The following SPIRE1 variants were observed in gnomAD, a reference collection of about 807,000 sequenced individuals.
SPIRE1 encodes the protein spire type actin nucleation factor 1, also known as protein spire homolog 1.
Under a neutral mutation model 94.1 loss-of-function variants are expected in SPIRE1, and 40 were observed. The observed-to-expected ratio is 0.43, with a 90% confidence interval of 0.33 to 0.55. The LOEUF is 0.55. SPIRE1 is among the 20% of genes least tolerant of loss of function. The probability of loss-of-function intolerance (pLI) is 0.06; values close to 1 mark genes in which losing one functional copy is unlikely to be tolerated. For synonymous variants in SPIRE1, 376 were observed against 371.7 expected (o/e 1.01, Z -0.13); for missense variants, 838 against 975.2 (o/e 0.86, Z 1.87).
chr18:12,658,153 C>T (rs2144926274), upstream of SPIRE1: 2 of 951,234 alleles, frequency 2.1e-6, no homozygotes, highest in African/African-American at 1.8e-5. Context: ...CCAGCGCCGC[C>T]CAGCGCCCGC....
chr18:12,609,457 C>A (rs1368852593), intron 2 of SPIRE1, among the ~76,000 whole-genome samples: 1 of 152,084 alleles, frequency 6.6e-6, no homozygotes, highest in Admixed American at 6.6e-5. Context: ...AGCCAGTTTA[C>A]CAGCACACCA....
rs556596259 is a variant in SPIRE1 at position 12,540,060 on chromosome 18, T to C, written c.604-4459A>G. On this transcript the variant is annotated intron_variant, in intron 3 of 16. Transcript: ENST00000409402. Reference sequence around the variant, plus strand: ...GGTGGCACCAGAGCAGAGAGATCAATGAAGATTGGAGTGAGCCATGCACAG... The same window carrying C: ...GGTGGCACCAGAGCAGAGAGATCAACGAAGATTGGAGTGAGCCATGCACAG... Among the ~76,000 whole-genome samples the C allele has an allele frequency of 9.9e-5, 15 of 151,938 alleles. No homozygotes were observed. In the East Asian group the frequency reaches 2.9e-3, roughly 29 times the overall value.
rs758748447 is a variant in SPIRE1 at position 12,657,710 on chromosome 18, T to C, written c.157A>G (p.Ile53Val). The change falls in exon 1 of 17, where the codon ATC becomes GTC. Residue 53 changes from isoleucine to valine, a missense_variant. Physicochemically the swap from Ile to Val is conservative, Grantham distance 29. Around this residue, in one of 2 missense-constraint regions of SPIRE1, gnomAD observed 193 missense variants for 170.5 expected, o/e 1.13. Coordinates refer to ENST00000409402, the MANE Select transcript of SPIRE1 (RefSeq NM_001128626.2). ...ACGGCCCACGCCTGCTCCTCGTTGATGGGCTGGTTGTACAGCCGCAGGATC... is the reference window on the plus strand; with the variant it reads ...ACGGCCCACGCCTGCTCCTCGTTGACGGGCTGGTTGTACAGCCGCAGGATC... ...EEILRLYNQP[I>V]NEEQAWAVCY... 1.1e-5 allele frequency: 16 copies of C among 1,405,206 alleles called. 1 individual carries two copies. In the South Asian group the frequency reaches 2.0e-4, roughly 18 times the overall value. 87.0% of individuals were successfully genotyped at this position (1,405,206 alleles called of 1,614,324 possible). A position where few individuals can be genotyped will look rare whatever the true frequency, so the allele number is the denominator to read the frequency against.
At chr18:12,584,657 T>C (rs1376916695) in intron 2 of SPIRE1, among the ~76,000 whole-genome samples, 1 of 152,108 alleles carries the variant, frequency 6.6e-6, no homozygotes, top group Admixed American at 6.6e-5. Context: ...TAGCCAGGCA[T>C]AGTGGCATGC....
chr18:12,652,138 C>T (rs1231250193), intron 1 of SPIRE1, among the ~76,000 whole-genome samples: 4 of 152,136 alleles, frequency 2.6e-5, no homozygotes, highest in Non-Finnish European at 5.9e-5. Context: ...ATTAATAATT[C>T]TTTGTGGCAT....
chr18:12,615,405 C>T (rs1299932512), intron 2 of SPIRE1, among the ~76,000 whole-genome samples: 12 of 108,350 alleles, frequency 1.1e-4, no homozygotes, highest in South Asian at 3.2e-4. Flanking sequence ...CTAGGCAAGG[C>T]GGCGTGCGCC....
intron 2 of SPIRE1, among the ~76,000 whole-genome samples, chr18:12,585,057 G>C (rs2036357902): frequency 1.3e-5 from 2 of 152,104 alleles, no homozygotes; most frequent in South Asian, 2.1e-4. Flanking sequence ...GCCCACCTCG[G>C]CTTCCCAAAG....
Position 12,447,582 on chromosome 18 carries a change from A to G in SPIRE1, c.*2056T>C, listed in dbSNP as rs1364049414. 6.6e-6 allele frequency: 1 copy of G among 152,138 alleles called. No individual in the cohort carries two copies. Among genetic ancestry groups the G allele is most frequent in the Non-Finnish European group, 1.5e-5 (1 of 68,018 alleles). 9.4% of individuals were successfully genotyped at this position (152,138 alleles called of 1,614,324 possible). A position where few individuals can be genotyped will look rare whatever the true frequency, so the allele number is the denominator to read the frequency against. On this transcript the variant is annotated 3_prime_UTR_variant, in exon 17 of 17. Coordinates refer to ENST00000409402, the MANE Select transcript of SPIRE1 (RefSeq NM_001128626.2). ...AACGTACCCTCCACGTGACCTCTTT[A>G]ATGCACTTGGCAAACTCCGTTAATG...
At chr18:12,459,272 G>C (rs546270777) in intron 12 of SPIRE1, among the ~76,000 whole-genome samples, 219 of 152,352 alleles carry the variant, frequency 1.4e-3, no homozygotes, top group African/African-American at 4.9e-3. Context: ...CATGACAGGT[G>C]ATGGGAGCAC....
In SPIRE1 at chr18:12,559,122, T is replaced by C. The variant is rs1162754888; in HGVS notation, c.373-12218A>G. On this transcript the variant is annotated intron_variant, in intron 2 of 16. Transcript: ENST00000409402. This position sits in a 1 kb window ranked among gnomAD's most constrained non-coding sequence, Gnocchi z 4.7. ...GGGCGGTAGATGGGACCAGGCACCT[T>C]GGAGCAGGGGGAGGCGCCCCCTGGG... Among the ~76,000 whole-genome samples, 2 of 106,924 alleles carry C rather than the reference T, an allele frequency of 1.9e-5. No homozygotes were observed. The highest frequency in any genetic ancestry group is 3.5e-5 in the African/African-American group (1 of 28,924). The allele number at this position is 106,924 out of a possible 152,430, so 70.1% of individuals were successfully genotyped here. A position where few individuals can be genotyped will look rare whatever the true frequency, so the allele number is the denominator to read the frequency against.
intron 2 of SPIRE1, among the ~76,000 whole-genome samples, chr18:12,553,493 G>A (rs2035416669): frequency 6.6e-6 from 1 of 152,202 alleles, no homozygotes; most frequent in Non-Finnish European, 1.5e-5. Flanking sequence ...TCCTCTGCCT[G>A]TGGAAGAGGC....
At chr18:12,574,225 TA>T (rs558092883) in intron 2 of SPIRE1, among the ~76,000 whole-genome samples, 42 of 152,240 alleles carry the variant, frequency 2.8e-4, no homozygotes, top group Admixed American at 2.6e-4. Flanking sequence ...AAAACTGCTC[TA>T]AAAAAAGTAT....
At chr18:12,623,096 G>A (rs1254301044) in intron 2 of SPIRE1, among the ~76,000 whole-genome samples, 2 of 135,690 alleles carry the variant, frequency 1.5e-5, no homozygotes, top group African/African-American at 2.6e-5. Context: ...AAGCAGTAGG[G>A]TATGAAGTGA....
At chr18:12,610,022 G>A (rs1415149520) in intron 2 of SPIRE1, among the ~76,000 whole-genome samples, 1 of 151,736 alleles carries the variant, frequency 6.6e-6, no homozygotes, top group African/African-American at 2.4e-5. Context: ...ACTGGGAGGA[G>A]GTCCTTCTTG....
At chr18:12,491,949 T>A (rs945714822) in intron 8 of SPIRE1, among the ~76,000 whole-genome samples, 1 of 152,160 alleles carries the variant, frequency 6.6e-6, no homozygotes, top group Admixed American at 6.5e-5. Context: ...AAAGATTATG[T>A]TAAGGTTTCT....
At chr18:12,637,308 G>A (rs577764914) in intron 1 of SPIRE1, among the ~76,000 whole-genome samples, 1 of 149,338 alleles carries the variant, frequency 6.7e-6, no homozygotes, top group East Asian at 2.0e-4. Context: ...GCAGTGAGCC[G>A]AGATTGCGCC....
intron 9 of SPIRE1, among the ~76,000 whole-genome samples, chr18:12,485,406 G>A (rs2143806574): frequency 6.6e-6 from 1 of 152,244 alleles, no homozygotes; most frequent in African/African-American, 2.4e-5. Flanking sequence ...CGCCCGGCCT[G>A]TATTTTTATA....
intron 1 of SPIRE1, among the ~76,000 whole-genome samples, chr18:12,645,269 T>C (rs773609191): frequency 6.6e-6 from 1 of 152,162 alleles, no homozygotes; most frequent in Non-Finnish European, 1.5e-5. Flanking sequence ...AACAGCTGAT[T>C]TGCAACTATC....
At chr18:12,455,203 G>T (rs2031455197) in intron 12 of SPIRE1, among the ~76,000 whole-genome samples, 1 of 152,182 alleles carries the variant, frequency 6.6e-6, no homozygotes, top group Non-Finnish European at 1.5e-5. Flanking sequence ...CTCCCAAAGT[G>T]CTGGGATTAC....
Sources: allele counts gnomAD v4.1 joint callset (sites outside exome capture counted in the v4.1 genomes callset), GRCh38; gene constraint gnomAD v4.1.1; regional missense constraint gnomAD v4.1.1; non-coding constraint Gnocchi (gnomAD v3.1); transcripts MANE v1.5; gene names NCBI Gene and HGNC (gene_info 2026-07-23, HGNC 2026-07-21).